The following STMN1 variants were observed in gnomAD, a reference collection of about 807,000 sequenced individuals.
STMN1 encodes stathmin.
In STMN1, 3 loss-of-function variants were observed where a neutral mutation model predicts 19.7. That is an observed-to-expected ratio of 0.15 (90% confidence interval 0.07 to 0.39). STMN1 has a LOEUF of 0.39. Ranked by LOEUF, STMN1 falls within the 10% of genes least tolerant of loss-of-function variation. The pLI is 1.00. For missense variants in STMN1, 99 were observed against 176.0 expected, an observed-to-expected ratio of 0.56 and a Z score of 2.48; for synonymous variants, 59 against 58.9, an observed-to-expected ratio of 1.00 and a Z score of -0.01.
At chr1:25,890,859 T>A (rs746844939) in intron 4 of STMN1, among the ~76,000 whole-genome samples, 5 of 152,068 alleles carry the variant, frequency 3.3e-5, no homozygotes, top group Non-Finnish European at 7.4e-5. Flanking sequence ...TTGAGCCCCA[T>A]GAATTCAAGC....
At chr1:25,901,964 C>G (rs1277796451) in intron 3 of STMN1, 1 of 218,820 alleles carries the variant, frequency 4.6e-6, no homozygotes, top group South Asian at 1.5e-4. Flanking sequence ...GAACTGAGAT[C>G]GTGCCACTGC....
At chr1:25,889,093 C>A (rs2048749941) in intron 4 of STMN1, 3 of 484,204 alleles carry the variant, frequency 6.2e-6, no homozygotes, top group African/African-American at 2.0e-5. Context: ...CGGAGGAGAA[C>A]CAAGCTGGGT....
chr1:25,904,711 T>G lies in STMN1; in HGVS notation c.-35A>C, dbSNP rs2048917345. On this transcript the variant is annotated 5_prime_UTR_variant, in exon 2 of 5. Transcript: ENST00000455785. ...AAGACAAGCGACAGGCAGTGTATTC[T>G]GCACAATCAACTGGGATAAGGAAAG... 1 of 1,609,562 alleles carries G rather than the reference T, an allele frequency of 6.2e-7. No individual in the cohort carries two copies. The highest frequency in any genetic ancestry group is 8.5e-7 in the Non-Finnish European group (1 of 1,178,810).
At chr1:25,901,710 C>T (rs1308453633) in intron 3 of STMN1, 28 bp from the exon 4 acceptor site, 3 of 1,590,266 alleles carry the variant, frequency 1.9e-6, no homozygotes, top group African/African-American at 1.4e-5. Context: ...ATAGGCTAGG[C>T]ACTCTAAAAT....
At position 25,900,461 on chromosome 1, in the gene STMN1, G is replaced by A. The variant is rs1042957693; in HGVS notation, c.*555C>T. Reference sequence around the variant, plus strand: ...GCAGAGAACGTGCGGTCATTTGTGCGTTGGGTATTTCTACCAGCCCCAAAG... The same window carrying A: ...GCAGAGAACGTGCGGTCATTTGTGCATTGGGTATTTCTACCAGCCCCAAAG... On this transcript the variant is annotated 3_prime_UTR_variant, in exon 5 of 5. Coordinates refer to ENST00000455785, the MANE Select transcript of STMN1 (RefSeq NM_005563.4). 188 of 985,838 alleles carry A rather than the reference G, an allele frequency of 1.9e-4. No homozygotes were observed. Among genetic ancestry groups the A allele is most frequent in the Admixed American group, 3.1e-4 (5 of 16,274 alleles). The allele number at this position is 985,838 out of a possible 1,614,324, so 61.1% of individuals were successfully genotyped here. A position where few individuals can be genotyped will look rare whatever the true frequency, so the allele number is the denominator to read the frequency against.
At chr1:25,891,461 G>A (rs1206796360) in intron 4 of STMN1, among the ~76,000 whole-genome samples, 1 of 152,180 alleles carries the variant, frequency 6.6e-6, no homozygotes, top group East Asian at 1.9e-4. Flanking sequence ...GATGGAGCCA[G>A]GTGACACAAA....
At chr1:25,887,491 C>A in intron 4 of STMN1, 1 of 351,034 alleles carries the variant, frequency 2.8e-6, no homozygotes, top group South Asian at 2.8e-5. Context: ...ATGCAGCTTG[C>A]AAATAAGAGA....
intron 3 of STMN1, 180 bp from the exon 4 acceptor site, chr1:25,901,862 T>C: frequency 7.1e-6 from 3 of 420,082 alleles, no homozygotes; most frequent in Non-Finnish European, 1.2e-5. Flanking sequence ...ATACAAAAAT[T>C]AGCCGGGCGT....
At chr1:25,903,896 T>C (rs2048905186) in intron 2 of STMN1, 83 bp from the exon 3 acceptor site, 3 of 1,401,626 alleles carry the variant, frequency 2.1e-6, no homozygotes, top group South Asian at 2.8e-5. Flanking sequence ...AAAACCCAAA[T>C]CAATTTAATG....
At chr1:25,902,679 C>G (rs751974642) in intron 3 of STMN1, 4 of 152,250 alleles carry the variant, frequency 2.6e-5, no homozygotes, top group African/African-American at 4.8e-5. Flanking sequence ...AAAGCACAGG[C>G]TAATGACTAC....
chr1:25,898,296 T>A (rs1425455116), downstream of STMN1, among the ~76,000 whole-genome samples: 1 of 152,240 alleles, frequency 6.6e-6, no homozygotes, highest in Non-Finnish European at 1.5e-5. Context: ...AAGGTTCATC[T>A]GACTTCCAAA....
rs1053855488 is a variant in STMN1 at position 25,900,946 on chromosome 1, A to G, written c.*70T>C. The G allele has an allele frequency of 3.7e-6, 6 of 1,605,454 alleles. No homozygotes were observed. The highest frequency in any genetic ancestry group is 5.1e-6 in the Non-Finnish European group (6 of 1,176,924). ...TATTTGTCAGGAGGGAAAAAATAAA[A>G]TGACACTGGCCAGTACAGTCTTTGG... is the stretch of plus-strand genomic sequence containing the variant. On this transcript the variant is annotated 3_prime_UTR_variant, in exon 5 of 5. Transcript: ENST00000455785.
At chr1:25,886,098 G>T (rs1193013791) in intron 4 of STMN1, among the ~76,000 whole-genome samples, 3 of 152,186 alleles carry the variant, frequency 2.0e-5, no homozygotes, top group Non-Finnish European at 2.9e-5. Flanking sequence ...AGTAGGAAAG[G>T]TCAGGCAGGA....
downstream of STMN1, among the ~76,000 whole-genome samples, chr1:25,897,310 C>G (rs867901740): frequency 1.2e-5 from 1 of 83,146 alleles, no homozygotes; most frequent in Non-Finnish European, 2.4e-5. Flanking sequence ...AAGACTGTCT[C>G]GAAAAAAAAA....
At chr1:25,892,553 A>ACGGCTGAG (rs2048785313) in intron 4 of STMN1, 1 of 983,422 alleles carries the variant, frequency 1.0e-6, no homozygotes, top group Non-Finnish European at 1.2e-6. Context: ...AGATGCCACC[A>ACGGCTGAG]CGGCTGAGCC....
chr1:25,889,888 T>A (rs1388293122), intron 4 of STMN1, among the ~76,000 whole-genome samples: 1 of 152,198 alleles, frequency 6.6e-6, no homozygotes, highest in African/African-American at 2.4e-5. Flanking sequence ...CACCTGCTAG[T>A]TCCTGCCATC....
At chr1:25,891,378 A>G (rs986544194) in intron 4 of STMN1, among the ~76,000 whole-genome samples, 8 of 152,092 alleles carry the variant, frequency 5.3e-5, no homozygotes, top group African/African-American at 1.9e-4. Context: ...TGCCTATACA[A>G]TGCACGGCAA....
intron 4 of STMN1, among the ~76,000 whole-genome samples, chr1:25,894,274 C>T (rs547634572): frequency 6.6e-6 from 1 of 152,234 alleles, no homozygotes; most frequent in African/African-American, 2.4e-5. Context: ...ATGGGTGCAG[C>T]TGCAGGCCCA....
chr1:25,900,910 A>G lies in STMN1; in HGVS notation c.*106T>C. The G allele has an allele frequency of 6.3e-7, 1 of 1,591,196 alleles. No homozygotes were observed. ...GGATCTACCTATACAGTCCTACATT[A>G]GCTTCTAAAATATTTGTCAGGAGGG... On this transcript the variant is annotated 3_prime_UTR_variant, in exon 5 of 5. Coordinates refer to ENST00000455785, the MANE Select transcript of STMN1 (RefSeq NM_005563.4).
Sources: gnomAD v4.1 joint callset for allele counts (sites outside exome capture counted in the v4.1 genomes callset) on GRCh38, gnomAD v4.1.1 for gene constraint, MANE v1.5 for transcripts, NCBI Gene and HGNC (gene_info 2026-07-23, HGNC 2026-07-21) for gene names.